The following BPTF variants were observed in gnomAD, a reference collection of about 807,000 sequenced individuals.
BPTF encodes the protein nucleosome-remodeling factor subunit BPTF.
In BPTF, 18 loss-of-function variants were observed where a neutral mutation model predicts 292.5. The observed-to-expected ratio is 0.06, with a 90% CI of 0.04 to 0.09. BPTF has a LOEUF of 0.09. Ranked by LOEUF, BPTF falls within the 10% of genes least tolerant of loss-of-function variation. The probability of loss-of-function intolerance (pLI) is 1.00; values close to 1 mark genes in which losing one functional copy is unlikely to be tolerated. For synonymous variants in BPTF, 1,225 were observed against 1,251.9 expected (o/e 0.98, Z 0.45); for missense variants, 2,726 against 3,498.7 (o/e 0.78, Z 5.57).
chr17:67,851,548 T>C (rs896630186), intron 1 of BPTF, among the ~76,000 whole-genome samples: 1 of 152,150 alleles, frequency 6.6e-6, no homozygotes, highest in Admixed American at 6.5e-5. Context: ...GAATAGAAAA[T>C]GTTGGTAGGA....
Position 67,903,804 on chromosome 17 carries a change from A to T in BPTF, c.2559A>T (p.Thr853=), listed in dbSNP as rs756813474. 5.1e-6 allele frequency: 8 copies of T among 1,570,176 alleles called. No individual in the cohort carries two copies. The highest frequency in any genetic ancestry group is 1.2e-5 in the South Asian group (1 of 82,790). Residue 853 remains threonine, a synonymous_variant, in exon 8 of 28, where the codon ACA becomes ACT. Transcript: ENST00000306378. The stretch of plus-strand genomic sequence containing the variant: ...GAATTCTTAGGTTACACCGGATGAC[A>T]TCAATTGAAAGAGAAGAAAAGGAGA... ...SLGHTRLHRM[T]SIEREEKEKV... is the part of the protein sequence containing the mutation.
chr17:67,921,156 G>T (rs2147197038), intron 13 of BPTF, among the ~76,000 whole-genome samples: 1 of 141,818 alleles, frequency 7.1e-6, no homozygotes, highest in Non-Finnish European at 1.5e-5. Context: ...GTTGCAGTGA[G>T]CTGAGATCAC....
At position 67,912,239 on chromosome 17, in the gene BPTF, T is replaced by C. The variant is rs1046251802; in HGVS notation, c.4355T>C (p.Ile1452Thr). Residue 1452 changes from isoleucine (I) to threonine (T), a missense_variant, in exon 11 of 28, where the codon ATT becomes ACT. Physicochemically the swap from Ile to Thr is moderately conservative, Grantham distance 89 (BLOSUM62 -1). Transcript: ENST00000306378. ...AATAAAATAATCCCTGAGAATGATA[T>C]TAAATCATTGACTGTTAAAGAATCT... The part of the protein sequence containing the change: ...NINKIIPEND[I>T]KSLTVKESAI... The C allele has an allele frequency of 1.4e-5, 22 of 1,611,054 alleles. No homozygotes were observed. Among genetic ancestry groups the C allele is most frequent in the Non-Finnish European group, 1.9e-5 (22 of 1,178,596 alleles).
At chr17:67,852,497 C>A (rs2058470637) in intron 1 of BPTF, among the ~76,000 whole-genome samples, 1 of 152,064 alleles carries the variant, frequency 6.6e-6, no homozygotes, top group South Asian at 2.1e-4. Context: ...AAATGACATT[C>A]TATTCATTGT....
intron 3 of BPTF, among the ~76,000 whole-genome samples, chr17:67,873,423 A>G (rs2059869623): frequency 6.8e-6 from 1 of 148,036 alleles, no homozygotes; most frequent in African/African-American, 2.5e-5. Context: ...GCGCCATTAC[A>G]CTCCTGCCTG....
intron 1 of BPTF, among the ~76,000 whole-genome samples, chr17:67,828,384 A>G (rs1192198902): frequency 1.3e-5 from 2 of 152,218 alleles, no homozygotes; most frequent in Non-Finnish European, 2.9e-5. Context: ...TTTTGGCAGG[A>G]CAGTTCAGCT....
intron 23 of BPTF, among the ~76,000 whole-genome samples, chr17:67,954,564 C>T (rs781861221): frequency 6.6e-6 from 1 of 152,170 alleles, no homozygotes; most frequent in Non-Finnish European, 1.5e-5. Flanking sequence ...ACCTCTTCTT[C>T]CTTCTGAATC....
chr17:67,826,664 C>T (rs2056093148), intron 1 of BPTF, among the ~76,000 whole-genome samples: 1 of 148,180 alleles, frequency 6.7e-6, no homozygotes, highest in African/African-American at 2.5e-5. Context: ...CTTTGGCAAA[C>T]ACATATCCAT....
In BPTF at chr17:67,940,556, C is replaced by G; in HGVS notation, c.6377C>G (p.Ser2126Cys). The G allele has an allele frequency of 6.2e-7, 1 of 1,614,134 alleles. No individual in the cohort carries two copies. Among genetic ancestry groups the G allele is most frequent in the Non-Finnish European group, 8.5e-7 (1 of 1,180,024 alleles). Reference protein sequence around the residue: ...PGQKSLTSATSTSNIQSSASQ... With the variant: ...PGQKSLTSATCTSNIQSSASQ... ...CAGAAAAGCTTAACTTCAGCAACGT[C>G]CACTTCAAATATACAGTCTTCAGCC... is the stretch of plus-strand genomic sequence containing the variant. Residue 2126 changes from serine (S) to cysteine (C), a missense_variant, in exon 19 of 28, where the codon TCC (serine) becomes TGC (cysteine). Transcript: ENST00000306378.
At chr17:67,960,956 T>C (rs1485258652) in intron 24 of BPTF, among the ~76,000 whole-genome samples, 1 of 152,228 alleles carries the variant, frequency 6.6e-6, no homozygotes, top group Non-Finnish European at 1.5e-5. Flanking sequence ...CATTATCTTA[T>C]CTCATTGGAA....
At chr17:67,856,390 G>T (rs1464209910) in intron 2 of BPTF, among the ~76,000 whole-genome samples, 1 of 151,254 alleles carries the variant, frequency 6.6e-6, no homozygotes, top group Non-Finnish European at 1.5e-5. Flanking sequence ...TTAATGACAG[G>T]TTTTTTTCTC....
chr17:67,972,486 C>T (rs894608456), intron 26 of BPTF, among the ~76,000 whole-genome samples: 2 of 152,048 alleles, frequency 1.3e-5, no homozygotes, highest in Non-Finnish European at 2.9e-5. Flanking sequence ...TCAGGTAATC[C>T]GTCCGCCTCT....
intron 4 of BPTF, among the ~76,000 whole-genome samples, chr17:67,886,828 AGCT>A (rs915141819): frequency 6.6e-6 from 1 of 152,054 alleles, no homozygotes; most frequent in African/African-American, 2.4e-5. Flanking sequence ...TTTTTTTTAA[AGCT>A]GCTGCATGGT....
intron 23 of BPTF, among the ~76,000 whole-genome samples, chr17:67,953,194 C>T (rs1316668679): frequency 6.6e-5 from 10 of 151,352 alleles, no homozygotes; most frequent in Non-Finnish European, 1.0e-4. Flanking sequence ...ATCTCCTGAC[C>T]TTGTGGTCCA....
chr17:67,843,298 A>G (rs1351527826), intron 1 of BPTF, among the ~76,000 whole-genome samples: 2 of 150,364 alleles, frequency 1.3e-5, no homozygotes, highest in Non-Finnish European at 3.0e-5. Flanking sequence ...ATAGATACAT[A>G]TAGATATATA....
intron 1 of BPTF, among the ~76,000 whole-genome samples, chr17:67,844,589 C>G (rs892600398): frequency 7.6e-5 from 11 of 144,210 alleles, no homozygotes; most frequent in Non-Finnish European, 1.2e-4. Flanking sequence ...TTACTAGAGA[C>G]AGAGTTTCAC....
chr17:67,861,989 T>G (rs973745538), intron 2 of BPTF, among the ~76,000 whole-genome samples: 1 of 152,194 alleles, frequency 6.6e-6, no homozygotes, highest in South Asian at 2.1e-4. Context: ...TTTTGTTTTG[T>G]TTTTTGATAC....
In BPTF at chr17:67,953,558, C is replaced by T. The variant is rs546675127; in HGVS notation, c.7926+5252C>T. ...CAGGCGTGAGCCACCATGCCCGGCC[C>T]GTCAAATTGTTCTATAATTTTTTTT... On this transcript the variant is annotated intron_variant, in intron 23 of 27. Coordinates refer to ENST00000306378, the MANE Select transcript of BPTF (RefSeq NM_182641.4). 7.6e-5 allele frequency among the ~76,000 whole-genome samples: 11 copies of T among 145,102 alleles called. No individual in the cohort carries two copies. In the South Asian group the frequency reaches 2.0e-3, roughly 27 times the overall value.
chr17:67,841,036 C>CT (rs1486005751), intron 1 of BPTF, among the ~76,000 whole-genome samples: 12 of 152,156 alleles, frequency 7.9e-5, no homozygotes, highest in African/African-American at 2.7e-4. Context: ...TAATTTACCA[C>CT]TTTTTTTCTT....
Sources: gnomAD v4.1 joint callset for allele counts (sites outside exome capture counted in the v4.1 genomes callset) on GRCh38, gnomAD v4.1.1 for gene constraint, MANE v1.5 for transcripts, NCBI Gene and HGNC (gene_info 2026-07-23, HGNC 2026-07-21) for gene names.